The following KDM5B variants were observed in gnomAD, a reference collection of about 807,000 sequenced individuals.
The protein encoded by KDM5B is lysine-specific demethylase 5B.
Under a neutral mutation model 193.4 loss-of-function variants are expected in KDM5B, and 144 were observed. The observed-to-expected ratio is 0.74, with a 90% CI of 0.65 to 0.86. The LOEUF is 0.86. Ranked by LOEUF, KDM5B falls within the 40% of genes least tolerant of loss-of-function variation. The probability of loss-of-function intolerance (pLI) is 0.00; values close to 1 mark genes in which losing one functional copy is unlikely to be tolerated. For synonymous variants in KDM5B, 668 were observed against 682.6 expected, an observed-to-expected ratio of 0.98 and a Z score of 0.33; for missense variants, 1,833 against 1,886.9, an observed-to-expected ratio of 0.97 and a Z score of 0.53.
Position 202,729,975 on chromosome 1 carries a change from A to C in KDM5B, c.4229T>G (p.Leu1410Arg). The change falls in exon 26 of 27, where the codon CTG (leucine) becomes CGG (arginine). Residue 1410 changes from leucine to arginine, a missense_variant. By Grantham distance (102) the Leu-to-Arg change is moderately radical. Coordinates refer to ENST00000367265, the MANE Select transcript of KDM5B (RefSeq NM_006618.5). ...GCCCTCTCTTTCCAGGCGTCTCTTCAGTTTTCTCTCAAGACTGTTAATTCC... is the reference window on the plus strand; with the variant it reads ...GCCCTCTCTTTCCAGGCGTCTCTTCCGTTTTCTCTCAAGACTGTTAATTCC... ...RDGINSLERK[L>R]KRRLEREGLS... The C allele has an allele frequency of 6.2e-7, 1 of 1,613,650 alleles. No homozygotes were observed. The highest frequency in any genetic ancestry group is 8.5e-7 in the Non-Finnish European group (1 of 1,179,916).
intron 5 of KDM5B, 113 bp from the exon 6 acceptor site, chr1:202,764,258 C>T (rs1276637358): frequency 1.8e-5 from 10 of 551,648 alleles, no homozygotes; most frequent in Non-Finnish European, 2.8e-5. Context: ...ATTAACAGGG[C>T]ATTCAAAACA....
chr1:202,779,836 T>TAAATAAATAAAG (rs1657124261), intron 1 of KDM5B, among the ~76,000 whole-genome samples: 1 of 147,112 alleles, frequency 6.8e-6, no homozygotes, highest in Admixed American at 6.7e-5. Context: ...AATAAATAAA[T>TAAATAAATAAAG]AAATAAATAA....
rs148235455 is a variant in KDM5B at position 202,774,076 on chromosome 1, T to G, written c.405+537A>C. On this transcript the variant is annotated intron_variant, in intron 3 of 26. Transcript: ENST00000367265. ...TTTTACCTTTTTATCACCCTGAGCC[T>G]CAGTTTCCTTATCTGTAATAAAAAG... Among the ~76,000 whole-genome samples, 782 of 152,230 alleles carry G rather than the reference T, an allele frequency of 5.1e-3. 9 individuals carry two copies. Among genetic ancestry groups the G allele is most frequent in the African/African-American group, 0.018 (748 of 41,546 alleles).
At chr1:202,752,267 A>G (rs946120075) in intron 12 of KDM5B, among the ~76,000 whole-genome samples, 8 of 152,200 alleles carry the variant, frequency 5.3e-5, no homozygotes, top group Non-Finnish European at 7.3e-5. Context: ...TTATAATACC[A>G]TATTTTCACT....
intron 5 of KDM5B, among the ~76,000 whole-genome samples, chr1:202,765,998 C>G (rs554125873): frequency 6.6e-6 from 1 of 152,160 alleles, no homozygotes; most frequent in Non-Finnish European, 1.5e-5. Flanking sequence ...AATCTTAAAG[C>G]AAATAATCCT....
At chr1:202,777,546 T>A (rs116002258) in intron 1 of KDM5B, among the ~76,000 whole-genome samples, 1 of 152,052 alleles carries the variant, frequency 6.6e-6, no homozygotes, top group African/African-American at 2.4e-5. Flanking sequence ...CAGGCTTAAG[T>A]GCAGTGGTGT....
chr1:202,738,494 T>C (rs1224043786), intron 20 of KDM5B, among the ~76,000 whole-genome samples: 1 of 152,252 alleles, frequency 6.6e-6, no homozygotes, highest in African/African-American at 2.4e-5. Context: ...TCCTTAATTA[T>C]GTAATCTCCT....
chr1:202,799,686 G>GA (rs891726505), intron 1 of KDM5B, among the ~76,000 whole-genome samples: 1 of 150,458 alleles, frequency 6.6e-6, no homozygotes, highest in Non-Finnish European at 1.5e-5. Flanking sequence ...TTTTAAAAAA[G>GA]AAAAAAACGT....
intron 1 of KDM5B, among the ~76,000 whole-genome samples, chr1:202,793,920 C>T (rs1350555490): frequency 1.3e-5 from 2 of 152,144 alleles, no homozygotes; most frequent in Non-Finnish European, 2.9e-5. Flanking sequence ...AACCCCAAAC[C>T]CATACTCTAC....
At chr1:202,767,130 T>C in intron 4 of KDM5B, 70 bp from the exon 5 acceptor site, 49 of 1,597,874 alleles carry the variant, frequency 3.1e-5, no homozygotes, top group South Asian at 1.8e-4. Flanking sequence ...TTGACAAACA[T>C]ATCTAGCATG....
intron 7 of KDM5B, among the ~76,000 whole-genome samples, chr1:202,761,643 G>C (rs184734373): frequency 2.1e-4 from 32 of 152,202 alleles, no homozygotes; most frequent in African/African-American, 6.3e-4. Flanking sequence ...TATGACTGCT[G>C]TCCTTATAAG....
intron 1 of KDM5B, among the ~76,000 whole-genome samples, chr1:202,793,064 T>C (rs1206622346): frequency 6.6e-6 from 1 of 150,676 alleles, no homozygotes; most frequent in Non-Finnish European, 1.5e-5. Flanking sequence ...ATTTCTAGGA[T>C]CTATGAAGGG....
intron 12 of KDM5B, among the ~76,000 whole-genome samples, chr1:202,751,526 A>G (rs113209363): frequency 1.3e-4 from 20 of 152,226 alleles, no homozygotes; most frequent in African/African-American, 2.9e-4. Context: ...CAGGAACACC[A>G]TATCTTCTAC....
At chr1:202,765,086 A>G (rs1656395485) in intron 5 of KDM5B, among the ~76,000 whole-genome samples, 1 of 152,222 alleles carries the variant, frequency 6.6e-6, no homozygotes, top group Admixed American at 6.5e-5. Context: ...CAATCATCGC[A>G]ATAAGCCAAA....
In KDM5B at chr1:202,742,684, C is replaced by T. The variant is rs1423716326; in HGVS notation, c.2445G>A (p.Gln815=). The change falls in exon 17 of 27, where the codon CAG becomes CAA. Residue 815 remains glutamine (Q), a synonymous_variant. Coordinates refer to ENST00000367265, the MANE Select transcript of KDM5B (RefSeq NM_006618.5). The part of the protein sequence containing the change: ...QDAEKCASVA[Q]QLLNGKRQTR... ...TTTGCCTTTTGCCATTAAGCAACTG[C>T]TGCGCAACAGAGGCACACTTCTCTG... 6.2e-7 allele frequency: 1 copy of T among 1,614,120 alleles called. No homozygotes were observed. The highest frequency in any genetic ancestry group is 1.1e-5 in the South Asian group (1 of 91,068).
intron 1 of KDM5B, among the ~76,000 whole-genome samples, chr1:202,792,989 C>A (rs1215833855): frequency 1.5e-5 from 2 of 137,170 alleles, no homozygotes; most frequent in African/African-American, 5.4e-5. Context: ...GGCCACACAG[C>A]GAGACTCCCT....
intron 25 of KDM5B, 104 bp from the exon 26 acceptor site, chr1:202,730,131 A>C (rs1654829292): frequency 1.0e-6 from 1 of 986,660 alleles, no homozygotes; most frequent in Admixed American, 2.9e-5. Context: ...ATGATCCCCC[A>C]ATCTACACGG....
rs1309269453 is a variant in KDM5B, at chr1:202,731,079, C to T, written c.4022-16G>A. Reference sequence around the variant, plus strand: ...GGACTAACACCTGTAAAAGACCAGACCAAATCAAAATGATAACAACAAAGG... The same window carrying T: ...GGACTAACACCTGTAAAAGACCAGATCAAATCAAAATGATAACAACAAAGG... On this transcript the variant is annotated splice_polypyrimidine_tract_variant and intron_variant, in intron 24 of 26. Transcript: ENST00000367265. The T allele has an allele frequency of 6.3e-7, 1 of 1,574,834 alleles. No homozygotes were observed. Among genetic ancestry groups the T allele is most frequent in the Non-Finnish European group, 8.6e-7 (1 of 1,157,206 alleles).
intron 19 of KDM5B, 106 bp from the exon 20 acceptor site, chr1:202,740,918 AT>A (rs1302059586): frequency 1.7e-6 from 2 of 1,172,256 alleles, no homozygotes; most frequent in East Asian, 2.4e-5. Flanking sequence ...ATGGCAAATA[AT>A]TTTTTTCAAA....
Sources: allele counts gnomAD v4.1 joint callset (sites outside exome capture counted in the v4.1 genomes callset), GRCh38; gene constraint gnomAD v4.1.1; transcripts MANE v1.5; gene names NCBI Gene and HGNC (gene_info 2026-07-23, HGNC 2026-07-21).